The following KLF12 variants were observed in gnomAD, a reference collection of about 807,000 sequenced individuals.
The protein encoded by KLF12 is KLF transcription factor 12.
Under a neutral mutation model 37.8 loss-of-function variants are expected in KLF12, and 9 were observed. That is an observed-to-expected ratio of 0.24 (90% CI 0.14 to 0.42). KLF12 has a LOEUF of 0.42. Among genes scored for constraint, KLF12 ranks in the 10% least tolerant of loss-of-function variants. The probability of loss-of-function intolerance (pLI) is 1.00; values close to 1 mark genes in which losing one functional copy is unlikely to be tolerated. For synonymous variants in KLF12, 208 were observed against 202.1 expected, an observed-to-expected ratio of 1.03 and a Z score of -0.25; for missense variants, 411 against 516.0, an observed-to-expected ratio of 0.80 and a Z score of 1.97.
chr13:73,996,960 A>G (rs187650797), intron 1 of KLF12, among the ~76,000 whole-genome samples: 11,256 of 152,272 alleles, frequency 0.074, 623 homozygotes, highest in African/African-American at 0.16. Context: ...AGGTTCTTAC[A>G]AACCCCTGTC....
chr13:74,100,096 C>T (rs1876238079), intron 1 of KLF12, among the ~76,000 whole-genome samples: 1 of 151,960 alleles, frequency 6.6e-6, no homozygotes, highest in African/African-American at 2.4e-5. Context: ...AGCTGGAGAC[C>T]ACGGACAGAG....
intron 6 of KLF12, among the ~76,000 whole-genome samples, chr13:73,755,869 G>A (rs1206558411): frequency 6.6e-6 from 1 of 151,958 alleles, no homozygotes; most frequent in African/African-American, 2.4e-5. Context: ...TTCCATTCCT[G>A]AGTTACTTCA....
chr13:74,147,094 A>G, the KLF12 span, among the ~76,000 whole-genome samples: 1 of 152,122 alleles, frequency 6.6e-6, no homozygotes, highest in Non-Finnish European at 1.5e-5. Context: ...GGCTTTTTAT[A>G]CCCTCACTGT....
rs1177902116 is a variant in KLF12 at position 73,808,894 on chromosome 13, C to A, written c.806+4258G>T. Reference sequence around the variant, plus strand: ...GCAGAAAGGCTGGCCCAGGGCAAGGCAATTTCACCCTCTCTGGTGTCAGTC... The same window carrying A: ...GCAGAAAGGCTGGCCCAGGGCAAGGAAATTTCACCCTCTCTGGTGTCAGTC... On this transcript the variant is annotated intron_variant, in intron 5 of 7. Transcript: ENST00000377669. Among the ~76,000 whole-genome samples the A allele has an allele frequency of 2.0e-5, 3 of 152,188 alleles. 1 individual carries two copies. The highest frequency in any genetic ancestry group is 4.8e-5 in the African/African-American group (2 of 41,440).
chr13:73,912,300 G>A (rs947360308), intron 3 of KLF12, among the ~76,000 whole-genome samples: 5 of 152,110 alleles, frequency 3.3e-5, no homozygotes, highest in African/African-American at 1.2e-4. Context: ...ACACTCTTTT[G>A]TGGATACTGT....
chr13:73,822,603 GT>G (rs1039375670), intron 4 of KLF12, among the ~76,000 whole-genome samples: 13 of 152,118 alleles, frequency 8.5e-5, no homozygotes, highest in Middle Eastern at 6.8e-3. Context: ...AAAAATTCAT[GT>G]TTTTTTGAAG....
At chr13:73,994,190 T>C (rs1317965885) in intron 2 of KLF12, among the ~76,000 whole-genome samples, 1 of 152,146 alleles carries the variant, frequency 6.6e-6, no homozygotes, top group Non-Finnish European at 1.5e-5. Flanking sequence ...ACATAGCAAG[T>C]TGTGCATTGA....
the KLF12 span, among the ~76,000 whole-genome samples, chr13:74,254,574 C>T: frequency 1.3e-5 from 2 of 152,146 alleles, no homozygotes; most frequent in African/African-American, 4.8e-5. Flanking sequence ...TTCTAACTGA[C>T]CTCAAAGCCC....
chr13:73,810,646 G>GACACACACAC (rs71927679), intron 5 of KLF12, among the ~76,000 whole-genome samples: 3,275 of 150,806 alleles, frequency 0.022, 99 homozygotes, highest in African/African-American at 0.064. Context: ...TATTTATAAA[G>GACACACACAC]ACACACACAC....
intron 1 of KLF12, among the ~76,000 whole-genome samples, chr13:74,113,233 G>C (rs907600979): frequency 2.0e-5 from 3 of 152,226 alleles, no homozygotes; most frequent in African/African-American, 7.2e-5. Context: ...AAGTTATCCG[G>C]AAGATCTAGC....
intron 1 of KLF12, among the ~76,000 whole-genome samples, chr13:74,128,427 T>C (rs778876251): frequency 7.2e-5 from 11 of 152,190 alleles, no homozygotes; most frequent in Admixed American, 3.9e-4. Flanking sequence ...CACAAGAACT[T>C]TGTAGTTTTA....
chr13:73,858,688 G>T (rs570072945), intron 3 of KLF12, among the ~76,000 whole-genome samples: 1 of 152,114 alleles, frequency 6.6e-6, no homozygotes, highest in Non-Finnish European at 1.5e-5. Context: ...CCTTGCTCTG[G>T]TAACAGCATT....
Position 73,963,070 on chromosome 13 carries a change from T to C in KLF12, c.34-19000A>G, listed in dbSNP as rs936688349. Among the ~76,000 whole-genome samples, 5 of 152,292 alleles carry C rather than the reference T, an allele frequency of 3.3e-5. No homozygotes were observed. In the East Asian group the frequency reaches 7.7e-4, roughly 23 times the overall value. The stretch of plus-strand genomic sequence containing the variant: ...TAATAATTTGAAATACCAGGCAACA[T>C]GGGCAAATATATCATTCTGCATTTA... On this transcript the variant is annotated intron_variant, in intron 2 of 7. Transcript: ENST00000377669.
chr13:74,025,368 G>A (rs534254119), intron 1 of KLF12, among the ~76,000 whole-genome samples: 1 of 151,488 alleles, frequency 6.6e-6, no homozygotes, highest in South Asian at 2.1e-4. Flanking sequence ...TTATGCAAAT[G>A]TCATTGCTTC....
At chr13:74,045,415 T>C (rs1046539792) in intron 1 of KLF12, among the ~76,000 whole-genome samples, 1 of 152,032 alleles carries the variant, frequency 6.6e-6, no homozygotes, top group Non-Finnish European at 1.5e-5. Flanking sequence ...CACCTCAAAC[T>C]GCCAAGGTCA....
intron 4 of KLF12, among the ~76,000 whole-genome samples, chr13:73,821,176 A>G (rs1883504680): frequency 6.6e-6 from 1 of 152,088 alleles, no homozygotes; most frequent in Admixed American, 6.6e-5. Flanking sequence ...TATACCCCTA[A>G]GTGTTAGTTG....
chr13:73,821,607 A>G lies in KLF12; in HGVS notation c.671-8320T>C, dbSNP rs552082438. Among the ~76,000 whole-genome samples, 23 of 152,240 alleles carry G rather than the reference A, an allele frequency of 1.5e-4. 1 individual carries two copies. In the South Asian group the frequency reaches 4.4e-3, roughly 29 times the overall value. On this transcript the variant is annotated intron_variant, in intron 4 of 7. Transcript: ENST00000377669. Reference sequence around the variant, plus strand: ...TCCTATTGTACAAATTGTCCCATGGAGCATTTCTCTGGTAACTGAATGTAT... The same window carrying G: ...TCCTATTGTACAAATTGTCCCATGGGGCATTTCTCTGGTAACTGAATGTAT...
the KLF12 span, among the ~76,000 whole-genome samples, chr13:74,279,720 C>T: frequency 6.6e-6 from 1 of 152,110 alleles, no homozygotes. Flanking sequence ...TACAGGAAAA[C>T]ACATCAGGTG....
At chr13:73,702,504 G>A (rs1158452908) in intron 7 of KLF12, among the ~76,000 whole-genome samples, 1 of 152,144 alleles carries the variant, frequency 6.6e-6, no homozygotes, top group Non-Finnish European at 1.5e-5. Flanking sequence ...GCACATAAGA[G>A]GAATGTGCAG....
Sources: gnomAD v4.1 joint callset for allele counts (sites outside exome capture counted in the v4.1 genomes callset) on GRCh38, gnomAD v4.1.1 for gene constraint, MANE v1.5 for transcripts, NCBI Gene and HGNC (gene_info 2026-07-23, HGNC 2026-07-21) for gene names.